MYO18B: variants seen among roughly 807,000 people sequenced by gnomAD.
MYO18B encodes myosin XVIIIB, also known as unconventional myosin-XVIIIb.
MYO18B carries 204 observed loss-of-function variants against 273.0 expected under a neutral mutation model. That is an observed-to-expected ratio of 0.75 (90% confidence interval 0.67 to 0.84). The LOEUF is 0.84. Ranked by LOEUF, MYO18B falls within the 40% of genes least tolerant of loss-of-function variation. The probability of loss-of-function intolerance (pLI) is 0.00; values close to 1 mark genes in which losing one functional copy is unlikely to be tolerated. For missense variants in MYO18B, 3,212 were observed against 3,287.6 expected (o/e 0.98, Z 0.56); for synonymous variants, 1,330 against 1,305.7 (o/e 1.02, Z -0.40).
chr22:25,971,672 G>A (rs539296811), intron 39 of MYO18B, among the ~76,000 whole-genome samples: 6 of 152,268 alleles, frequency 3.9e-5, no homozygotes, highest in Middle Eastern at 3.4e-3. Context: ...AGACTATTTC[G>A]TTTCCATCAC....
intron 39 of MYO18B, among the ~76,000 whole-genome samples, chr22:25,970,188 AATT>A (rs745385170): frequency 1.3e-5 from 2 of 152,000 alleles, no homozygotes; most frequent in East Asian, 1.9e-4. Flanking sequence ...CCATCATGAA[AATT>A]ATTATTATCA....
At chr22:25,842,572 T>A (rs1453001633) in intron 17 of MYO18B, among the ~76,000 whole-genome samples, 1 of 150,066 alleles carries the variant, frequency 6.7e-6, no homozygotes, top group Non-Finnish European at 1.5e-5. Context: ...CTGAGGAGGC[T>A]GAGGCAGGAG....
chr22:25,770,123 G>C lies in MYO18B; in HGVS notation c.1526G>C (p.Arg509Thr). 6.2e-7 allele frequency: 1 copy of C among 1,613,960 alleles called. No homozygotes were observed. The highest frequency in any genetic ancestry group is 8.5e-7 in the Non-Finnish European group (1 of 1,179,880). Residue 509 changes from arginine to threonine, a missense_variant, in exon 5 of 44, where the codon AGA (arginine) becomes ACA (threonine). Arg to Thr is a moderately conservative substitution (Grantham distance 71, BLOSUM62 -1). Transcript: ENST00000335473. ...SRDSDQAPED[R>T]WYEAEKVWLA... The stretch of plus-strand genomic sequence containing the variant: ...GTTGGTTCTCAGGCTCCTGAGGACA[G>C]ATGGTATGAGGCAGAGAAAGTCTGG...
intron 3 of MYO18B, 117 bp downstream of exon 3, chr22:25,763,506 G>T: frequency 8.1e-7 from 1 of 1,239,866 alleles, no homozygotes; most frequent in Non-Finnish European, 1.1e-6. Flanking sequence ...TGGTTTTGAG[G>T]AATGTCCTTT....
chr22:26,025,020 A>C (rs931996520), intron 42 of MYO18B, among the ~76,000 whole-genome samples: 1 of 152,156 alleles, frequency 6.6e-6, no homozygotes, highest in African/African-American at 2.4e-5. Context: ...CTCTTTTATA[A>C]GGGCACTAAT....
intron 36 of MYO18B, among the ~76,000 whole-genome samples, chr22:25,948,452 TTCCTTCC>T (rs1569225225): frequency 1.9e-3 from 245 of 131,534 alleles, no homozygotes; most frequent in Middle Eastern, 7.1e-3. Flanking sequence ...CCTTCCTTCC[TTCCTTCC>T]TTCTTTCTTT....
At chr22:25,769,836 C>G (rs1175213190) in intron 4 of MYO18B, among the ~76,000 whole-genome samples, 3 of 151,900 alleles carry the variant, frequency 2.0e-5, no homozygotes, top group Non-Finnish European at 2.9e-5. Flanking sequence ...GGAGTGGGGC[C>G]CAGGAATCTG....
At chr22:26,029,118 G>A (rs1490415482) in intron 43 of MYO18B, among the ~76,000 whole-genome samples, 1 of 152,136 alleles carries the variant, frequency 6.6e-6, no homozygotes, top group Non-Finnish European at 1.5e-5. Flanking sequence ...ATCTTTAAAA[G>A]TTTTCCCTAG....
At chr22:25,969,216 C>G (rs1265584739) in intron 39 of MYO18B, among the ~76,000 whole-genome samples, 5 of 152,180 alleles carry the variant, frequency 3.3e-5, no homozygotes, top group African/African-American at 4.8e-5. Context: ...TTTCAAAGGA[C>G]AGAGAGATAT....
intron 39 of MYO18B, among the ~76,000 whole-genome samples, chr22:25,967,539 G>A (rs940364298): frequency 6.6e-6 from 1 of 152,144 alleles, no homozygotes; most frequent in African/African-American, 2.4e-5. Flanking sequence ...AGGGAGAGGG[G>A]ATCTCAGAAT....
At chr22:25,830,317 G>A (rs73403713) in intron 15 of MYO18B, among the ~76,000 whole-genome samples, 3,114 of 152,090 alleles carry the variant, frequency 0.02, 92 homozygotes, top group African/African-American at 0.061. Flanking sequence ...TTTTGTATCA[G>A]TTATGATTTG....
At chr22:26,044,613 G>A in the MYO18B span, among the ~76,000 whole-genome samples, 1 of 152,170 alleles carries the variant, frequency 6.6e-6, no homozygotes, top group Non-Finnish European at 1.5e-5. Context: ...TTTCATTTAG[G>A]TCTCTTATTG....
chr22:25,745,216 C>T (rs2085742441), intron 1 of MYO18B, among the ~76,000 whole-genome samples: 1 of 152,026 alleles, frequency 6.6e-6, no homozygotes, highest in African/African-American at 2.4e-5. Context: ...TTTAAGCCAT[C>T]CTCCCATCTC....
chr22:25,988,634 A>G lies in MYO18B; in HGVS notation c.6157-3729A>G, dbSNP rs1199734268. ...CTTCAGAGCCAGAGTCCTGCATTCC[A>G]ATGTTTTTATTTGGTTTGTGACCTT... On this transcript the variant is annotated intron_variant, in intron 39 of 43. Coordinates refer to ENST00000335473, the MANE Select transcript of MYO18B (RefSeq NM_032608.7). Among the ~76,000 whole-genome samples the G allele has an allele frequency of 5.9e-5, 9 of 152,032 alleles. No individual in the cohort carries two copies. The East Asian group carries it at 1.7e-3, about 29-fold the overall frequency.
intron 12 of MYO18B, among the ~76,000 whole-genome samples, chr22:25,808,628 G>A (rs2088593529): frequency 6.6e-6 from 1 of 152,166 alleles, no homozygotes; most frequent in Admixed American, 6.5e-5. Context: ...CAATTTGGAA[G>A]GTTGTCCCTC....
chr22:25,880,866 T>G (rs1401850988), intron 25 of MYO18B, among the ~76,000 whole-genome samples: 1 of 152,244 alleles, frequency 6.6e-6, no homozygotes, highest in African/African-American at 2.4e-5. Flanking sequence ...GGACTCTAGA[T>G]CTGAATGATT....
chr22:25,982,037 A>G (rs562755477), intron 39 of MYO18B, among the ~76,000 whole-genome samples: 1 of 152,324 alleles, frequency 6.6e-6, no homozygotes, highest in Non-Finnish European at 1.5e-5. Context: ...GGCGGTCCCT[A>G]CATGGCTGGA....
chr22:25,851,530 C>T lies in MYO18B; in HGVS notation c.3836C>T (p.Pro1279Leu). 6.4e-7 allele frequency: 1 copy of T among 1,561,566 alleles called. No individual in the cohort carries two copies. Among genetic ancestry groups the T allele is most frequent in the Non-Finnish European group, 8.7e-7 (1 of 1,152,406 alleles). ...CGGCAATTCCAGGTGCTGGACGCTC[C>T]ACTCCTGAAGAAGCTCATGTCGACC... ...FRRQFQVLDAPLLKKLMSTSE... is the reference protein window; with the variant it reads ...FRRQFQVLDALLLKKLMSTSE... The change falls in exon 21 of 44, where the codon CCA (proline) becomes CTA (leucine). Residue 1279 changes from proline (P) to leucine (L), a missense_variant. Transcript: ENST00000335473.
intron 39 of MYO18B, among the ~76,000 whole-genome samples, chr22:25,978,610 A>G (rs2093118099): frequency 6.6e-6 from 1 of 152,206 alleles, no homozygotes; most frequent in Admixed American, 6.5e-5. Context: ...GCTTTGTGGA[A>G]TACAGTTGGA....
Sources: allele counts gnomAD v4.1 joint callset (sites outside exome capture counted in the v4.1 genomes callset), GRCh38; gene constraint gnomAD v4.1.1; transcripts MANE v1.5; gene names NCBI Gene and HGNC (gene_info 2026-07-23, HGNC 2026-07-21).